Variants in CALD1 observed in about 807,000 individuals in gnomAD.
The protein encoded by CALD1 is caldesmon.
CALD1 carries 33 observed loss-of-function variants against 99.9 expected under a neutral mutation model. The observed-to-expected ratio is 0.33, with a 90% CI of 0.25 to 0.44. The LOEUF (loss-of-function observed/expected upper bound fraction) is 0.44, where lower values mean the gene tolerates loss of function less well. CALD1 is among the 20% of genes least tolerant of loss of function. The pLI, the probability that CALD1 is intolerant of heterozygous loss-of-function variation, is 1.00. For synonymous variants in CALD1, 310 were observed against 325.0 expected, an observed-to-expected ratio of 0.95 and a Z score of 0.50; for missense variants, 861 against 962.1, an observed-to-expected ratio of 0.89 and a Z score of 1.39.
At position 134,859,127 on chromosome 7, in the gene CALD1, A is replaced by G. The variant is rs2132268774; in HGVS notation, c.-41-8566A>G. ...ATATTTTCGCCATAACCCTAAATAG[A>G]TGGCCACTTCTTCTCCCTGGCTTTT... On this transcript the variant is annotated intron_variant, in intron 2 of 14. Transcript: ENST00000361675. Among the ~76,000 whole-genome samples the G allele has an allele frequency of 1.3e-5, 2 of 152,328 alleles. 1 individual carries two copies. Among genetic ancestry groups the G allele is most frequent in the South Asian group, 4.1e-4 (2 of 4,824 alleles).
rs571337757 is a variant in CALD1 at position 134,752,983 on chromosome 7, C to G, written c.-130+8620C>G. ...CGAGACAGCACCACTGCACTCCAGC[C>G]TGGGCAACAGAACGAGACTCTGTAT... On this transcript the variant is annotated intron_variant, in intron 1 of 13. Coordinates refer to the CALD1 transcript ENST00000417172. Among the ~76,000 whole-genome samples the G allele has an allele frequency of 2.2e-3, 328 of 146,654 alleles. 3 individuals are homozygous for G. Among genetic ancestry groups the G allele is most frequent in the Non-Finnish European group, 2.4e-3 (161 of 67,122 alleles).
chr7:134,770,197 G>A (rs1348347871), intron 1 of CALD1, among the ~76,000 whole-genome samples: 1 of 152,168 alleles, frequency 6.6e-6, no homozygotes, highest in Non-Finnish European at 1.5e-5. Flanking sequence ...TGAGGCCTGG[G>A]AAATAGTAGC....
chr7:134,876,615 G>C (rs140265273), intron 3 of CALD1, among the ~76,000 whole-genome samples: 1 of 152,284 alleles, frequency 6.6e-6, no homozygotes, highest in East Asian at 1.9e-4. Flanking sequence ...TGGCGTCTTT[G>C]TCAACAAGGA....
intron 1 of CALD1, among the ~76,000 whole-genome samples, chr7:134,772,600 C>T (rs140903439): frequency 6.6e-6 from 1 of 152,184 alleles, no homozygotes; most frequent in Non-Finnish European, 1.5e-5. Context: ...TGGTAAAAAT[C>T]AATGTGCAAT....
rs138144911 is a variant in CALD1, at chr7:134,850,276, G to A, written c.-42+6305G>A. Among the ~76,000 whole-genome samples, 181 of 152,284 alleles carry A rather than the reference G, an allele frequency of 1.2e-3. 1 individual carries two copies. The East Asian group carries it at 0.028, about 23-fold the overall frequency. On this transcript the variant is annotated intron_variant, in intron 2 of 14. Coordinates refer to ENST00000361675, the MANE Select transcript of CALD1 (RefSeq NM_033138.4). ...AACATAAATCCTTCCAGGCAATCACGTGATCATTTCATCATTGAGGTCCTT... is the reference window on the plus strand; with the variant it reads ...AACATAAATCCTTCCAGGCAATCACATGATCATTTCATCATTGAGGTCCTT...
chr7:134,771,388 CCCATTCACTCCATTATTCAGA>C (rs568652702), intron 1 of CALD1, among the ~76,000 whole-genome samples: 225 of 152,292 alleles, frequency 1.5e-3, no homozygotes, highest in Non-Finnish European at 2.7e-3. Context: ...CAATAGCACT[CCCATTCACTCCATTATTCAGA>C]CCATAACAGG....
intron 1 of CALD1, among the ~76,000 whole-genome samples, chr7:134,817,673 T>C (rs929761353): frequency 6.6e-6 from 1 of 152,168 alleles, no homozygotes; most frequent in African/African-American, 2.4e-5. Context: ...ACAAAGTCAT[T>C]GTTCTATTTT....
the CALD1 span, among the ~76,000 whole-genome samples, chr7:134,736,418 G>A: frequency 1.3e-5 from 2 of 152,132 alleles, no homozygotes; most frequent in African/African-American, 4.8e-5. Flanking sequence ...CATTCATGCA[G>A]CTCCACACTC....
chr7:134,767,496 C>T (rs983040678), intron 1 of CALD1, among the ~76,000 whole-genome samples: 1 of 152,182 alleles, frequency 6.6e-6, no homozygotes, highest in East Asian at 1.9e-4. Flanking sequence ...TTCTTATTTG[C>T]GCCCCTCACA....
At chr7:134,712,259 C>G in the CALD1 span, among the ~76,000 whole-genome samples, 1 of 152,172 alleles carries the variant, frequency 6.6e-6, no homozygotes, top group African/African-American at 2.4e-5. Context: ...CATCAGACAT[C>G]TCTCTCAACT....
At chr7:134,962,674 C>T in intron 13 of CALD1, 1 of 366,516 alleles carries the variant, frequency 2.7e-6, no homozygotes, top group Non-Finnish European at 5.4e-6. Flanking sequence ...TTCAGTGTAA[C>T]TTTGTAACTG....
intron 3 of CALD1, among the ~76,000 whole-genome samples, chr7:134,920,233 T>C (rs1176044644): frequency 6.6e-6 from 1 of 151,990 alleles, no homozygotes; most frequent in Non-Finnish European, 1.5e-5. Flanking sequence ...TTGGATATGT[T>C]TGGAGAATGT....
chr7:134,738,493 C>T, the CALD1 span, among the ~76,000 whole-genome samples: 2 of 152,066 alleles, frequency 1.3e-5, no homozygotes, highest in South Asian at 2.1e-4. Flanking sequence ...CCACGTGTTG[C>T]GTGTGGAATA....
At chr7:134,828,470 C>A (rs1388673286) in intron 1 of CALD1, among the ~76,000 whole-genome samples, 2 of 152,188 alleles carry the variant, frequency 1.3e-5, no homozygotes, top group Non-Finnish European at 2.9e-5. Context: ...CCAACCTTAA[C>A]ACAGATATAG....
intron 3 of CALD1, among the ~76,000 whole-genome samples, chr7:134,913,011 T>A (rs888913482): frequency 7.9e-5 from 12 of 152,176 alleles, no homozygotes; most frequent in Admixed American, 2.6e-4. Context: ...ACATCTGTAA[T>A]CCCAGCACTT....
At chr7:134,888,464 C>T (rs1320061700) in intron 3 of CALD1, among the ~76,000 whole-genome samples, 3 of 152,190 alleles carry the variant, frequency 2.0e-5, no homozygotes, top group Admixed American at 6.5e-5. Flanking sequence ...GCACAAATAA[C>T]CTTTAGATTG....
At chr7:134,878,396 T>C (rs976143196) in intron 3 of CALD1, among the ~76,000 whole-genome samples, 6 of 151,886 alleles carry the variant, frequency 4.0e-5, no homozygotes, top group African/African-American at 1.4e-4. Context: ...TGGTGAAACC[T>C]CTTCTCTACT....
the CALD1 span, among the ~76,000 whole-genome samples, chr7:134,735,981 T>C: frequency 3.3e-5 from 5 of 152,174 alleles, no homozygotes; most frequent in Non-Finnish European, 7.3e-5. Context: ...CAGAAATCTG[T>C]AAGAGCGACT....
At chr7:134,795,163 A>G (rs1200464278) in intron 1 of CALD1, among the ~76,000 whole-genome samples, 3 of 152,040 alleles carry the variant, frequency 2.0e-5, no homozygotes, top group Non-Finnish European at 4.4e-5. Flanking sequence ...TACTCTAAAA[A>G]TTAAAGAATG....
Sources: gnomAD v4.1 joint callset for allele counts (sites outside exome capture counted in the v4.1 genomes callset) on GRCh38, gnomAD v4.1.1 for gene constraint, MANE v1.5 for transcripts, NCBI Gene and HGNC (gene_info 2026-07-23, HGNC 2026-07-21) for gene names.